FOCAD: variants seen among roughly 807,000 people sequenced by gnomAD.
FOCAD encodes KIAA1797.
FOCAD carries 198 observed loss-of-function variants against 225.6 expected under a neutral mutation model. The ratio of observed to expected loss-of-function variants is 0.88; its 90% confidence interval spans 0.78 to 0.99. The LOEUF (loss-of-function observed/expected upper bound fraction) is 0.99. Among genes scored for constraint, FOCAD ranks in the 50% least tolerant of loss-of-function variants. The pLI is 0.00. For missense variants in FOCAD, 2,713 were observed against 2,123.6 expected, an observed-to-expected ratio of 1.28 and a Z score of -5.46; for synonymous variants, 897 against 755.0, an observed-to-expected ratio of 1.19 and a Z score of -3.08.
At chr9:20,662,517 G>A (rs1821758908) in intron 2 of FOCAD, among the ~76,000 whole-genome samples, 1 of 152,082 alleles carries the variant, frequency 6.6e-6, no homozygotes, top group Admixed American at 6.5e-5. Flanking sequence ...GGTGACTGGG[G>A]ACTTTGTCCA....
At chr9:20,673,388 A>C (rs951010763) in intron 2 of FOCAD, among the ~76,000 whole-genome samples, 2 of 152,182 alleles carry the variant, frequency 1.3e-5, no homozygotes, top group Non-Finnish European at 2.9e-5. Flanking sequence ...ATTTCCATCG[A>C]CAATGTGTAA....
At chr9:20,986,487 C>T (rs376482679) in intron 40 of FOCAD, 22 bp downstream of exon 40, 1 of 1,568,034 alleles carries the variant, frequency 6.4e-7, no homozygotes, top group Non-Finnish European at 8.6e-7. Flanking sequence ...CTGGGGTGAA[C>T]ATCAGAAACA....
intron 21 of FOCAD, among the ~76,000 whole-genome samples, chr9:20,895,713 T>C (rs1310885029): frequency 1.3e-5 from 2 of 151,928 alleles, no homozygotes; most frequent in Non-Finnish European, 2.9e-5. Context: ...GATTTTTGTA[T>C]TGTAACCTTG....
At chr9:20,818,058 A>G (rs1242593257) in intron 11 of FOCAD, among the ~76,000 whole-genome samples, 1 of 152,150 alleles carries the variant, frequency 6.6e-6, no homozygotes, top group Non-Finnish European at 1.5e-5. Context: ...GTTATTGTCC[A>G]TCTTTTGATG....
At chr9:20,746,650 T>G (rs1828060359) in intron 5 of FOCAD, among the ~76,000 whole-genome samples, 1 of 152,226 alleles carries the variant, frequency 6.6e-6, no homozygotes, top group South Asian at 2.1e-4. Flanking sequence ...TTCAAGAGTG[T>G]GTTTTCTAAG....
chr9:20,683,724 T>G (rs1822483837), upstream of FOCAD, among the ~76,000 whole-genome samples: 1 of 152,070 alleles, frequency 6.6e-6, no homozygotes. Flanking sequence ...TGCAGTGTTA[T>G]GTGTTGGCCA....
At chr9:20,884,693 T>G (rs1830960655) in intron 20 of FOCAD, among the ~76,000 whole-genome samples, 1 of 152,178 alleles carries the variant, frequency 6.6e-6, no homozygotes, top group South Asian at 2.1e-4. Context: ...ACAAGTTAGC[T>G]TTTAGTTATA....
At chr9:20,979,066 G>C (rs1238976782) in intron 37 of FOCAD, among the ~76,000 whole-genome samples, 1 of 152,224 alleles carries the variant, frequency 6.6e-6, no homozygotes, top group Non-Finnish European at 1.5e-5. Flanking sequence ...GCCAAGGGCA[G>C]ATAGGAAGAA....
chr9:20,766,867 C>T (rs1019366512), intron 7 of FOCAD, among the ~76,000 whole-genome samples: 1 of 151,744 alleles, frequency 6.6e-6, no homozygotes, highest in Non-Finnish European at 1.5e-5. Context: ...GGTACATGTG[C>T]ACATTGTGCA....
intron 1 of FOCAD, among the ~76,000 whole-genome samples, chr9:20,684,898 A>G (rs1322734024): frequency 1.3e-5 from 2 of 152,124 alleles, no homozygotes; most frequent in Non-Finnish European, 1.5e-5. Context: ...AGTATGTTAG[A>G]TGTATGTTTT....
chr9:20,788,531 A>G (rs527557838), intron 10 of FOCAD, among the ~76,000 whole-genome samples: 3 of 152,300 alleles, frequency 2.0e-5, no homozygotes, highest in South Asian at 2.1e-4. Context: ...CATCCTTTCA[A>G]TTGTTATCCT....
intron 11 of FOCAD, among the ~76,000 whole-genome samples, chr9:20,801,338 T>A (rs777095748): frequency 4.6e-5 from 7 of 152,128 alleles, no homozygotes; most frequent in African/African-American, 1.7e-4. Context: ...CTGTCTGATA[T>A]CAGTTTTGGC....
In FOCAD at chr9:20,781,793, C is replaced by T. The variant is rs1819396572; in HGVS notation, c.1061C>T (p.Pro354Leu). 1 of 1,613,906 alleles carries T rather than the reference C, an allele frequency of 6.2e-7. No individual in the cohort carries two copies. Among genetic ancestry groups the T allele is most frequent in the Non-Finnish European group, 8.5e-7 (1 of 1,179,986 alleles). Reference protein sequence around the residue: ...IPKSSLLLVMPILQILSSTAL... With the variant: ...IPKSSLLLVMLILQILSSTAL... ...AAGTCCTCTCTGCTGCTAGTGATGC[C>T]AATTCTGCAGATACTATCTTCTACT... Residue 354 changes from proline (P) to leucine (L), a missense_variant, in exon 10 of 44, where the codon CCA becomes CTA. Coordinates refer to ENST00000338382, the MANE Select transcript of FOCAD (RefSeq NM_001375567.1).
At chr9:20,922,697 C>T (rs1267713356) in intron 24 of FOCAD, among the ~76,000 whole-genome samples, 4 of 152,118 alleles carry the variant, frequency 2.6e-5, no homozygotes, top group East Asian at 1.9e-4. Flanking sequence ...AATTCAGATT[C>T]GGGTTTGAAG....
intron 1 of FOCAD, chr9:20,658,529 TGACCC>T (rs1441031815): frequency 6.5e-6 from 1 of 154,576 alleles, no homozygotes; most frequent in African/African-American, 2.4e-5. Context: ...CGGGTGGGAG[TGACCC>T]GATTTTCTAG....
chr9:20,860,880 C>T (rs988315026), intron 15 of FOCAD, among the ~76,000 whole-genome samples: 1 of 152,158 alleles, frequency 6.6e-6, no homozygotes, highest in African/African-American at 2.4e-5. Flanking sequence ...TAAAGCCTAC[C>T]TTTTCTTTTA....
intron 19 of FOCAD, 154 bp downstream of exon 19, chr9:20,874,961 G>A: frequency 4.3e-6 from 4 of 936,570 alleles, no homozygotes; most frequent in Middle Eastern, 2.2e-4. Context: ...TATTGAAACA[G>A]CTTGAGGTAG....
intron 27 of FOCAD, 60 bp downstream of exon 27, chr9:20,929,656 C>A: frequency 7.6e-7 from 1 of 1,317,924 alleles, no homozygotes; most frequent in Non-Finnish European, 1.1e-6. Flanking sequence ...AAGGATTTTG[C>A]ACCCATATGC....
intron 6 of FOCAD, among the ~76,000 whole-genome samples, chr9:20,760,792 C>T (rs1217367010): frequency 6.6e-6 from 1 of 152,082 alleles, no homozygotes; most frequent in Non-Finnish European, 1.5e-5. Context: ...ATGCTTGGCA[C>T]ATTTCTAGGT....
Sources: gnomAD v4.1 joint callset for allele counts (sites outside exome capture counted in the v4.1 genomes callset) on GRCh38, gnomAD v4.1.1 for gene constraint, MANE v1.5 for transcripts, NCBI Gene and HGNC (gene_info 2026-07-23, HGNC 2026-07-21) for gene names.